Variants in OBI1 observed in about 807,000 individuals in gnomAD.
OBI1 encodes the protein ORC ubiquitin ligase 1.
A neutral mutation model predicts 62.4 loss-of-function variants in OBI1; 59 were observed. The observed-to-expected ratio is 0.95, with a 90% CI of 0.77 to 1.17. The LOEUF is 1.17. Among genes scored for constraint, OBI1 ranks in the 50% most tolerant of loss-of-function variants. OBI1 has a pLI of 0.00. For synonymous variants in OBI1, 302 were observed against 292.8 expected (o/e 1.03, Z -0.32); for missense variants, 875 against 830.9 (o/e 1.05, Z -0.65).
rs1370921274 is a variant in OBI1, at chr13:78,615,765, G to C, written c.1996C>G (p.Gln666Glu). The part of the protein sequence containing the change: ...LSSSHRLFED[Q>E]RFGSSLFKMS... ...TTAAACAAAGATGACCCAAATCTTT[G>C]ATCTTCAAATAGTCGATGTGAACTG... Residue 666 changes from glutamine to glutamate, a missense_variant, in exon 6 of 6, where the codon CAA (glutamine) becomes GAA (glutamate). Physicochemically the swap from Gln to Glu is conservative, Grantham distance 29. Transcript: ENST00000282003. The C allele has an allele frequency of 6.2e-7, 1 of 1,613,846 alleles. No individual in the cohort carries two copies. Among genetic ancestry groups the C allele is most frequent in the Non-Finnish European group, 8.5e-7 (1 of 1,179,954 alleles).
intron 4 of OBI1, 99 bp from the exon 5 acceptor site, chr13:78,635,297 T>G: frequency 1.4e-6 from 1 of 699,710 alleles, no homozygotes; most frequent in South Asian, 1.8e-5. Flanking sequence ...AGTGATAATA[T>G]CAGAAAACTG....
chr13:78,644,347 CT>C (rs1876319769), intron 2 of OBI1, among the ~76,000 whole-genome samples: 2 of 152,196 alleles, frequency 1.3e-5, no homozygotes, highest in Non-Finnish European at 2.9e-5. Context: ...TACCTTTTGT[CT>C]TATCTCAGTA....
chr13:78,638,405 G>A (rs1262072805), intron 4 of OBI1, among the ~76,000 whole-genome samples: 1 of 152,150 alleles, frequency 6.6e-6, no homozygotes, highest in Non-Finnish European at 1.5e-5. Flanking sequence ...GGTAGCAAAA[G>A]AAAAGATAAG....
At chr13:78,618,429 CA>C (rs1301003178) in intron 5 of OBI1, among the ~76,000 whole-genome samples, 1 of 151,466 alleles carries the variant, frequency 6.6e-6, no homozygotes, top group Non-Finnish European at 1.5e-5. Flanking sequence ...AAGCCAATAG[CA>C]ATTGCCCCTC....
chr13:78,617,071 C>T lies in OBI1; in HGVS notation c.690G>A (p.Glu230=), dbSNP rs764608451. 5 of 1,606,478 alleles carry T rather than the reference C, an allele frequency of 3.1e-6. No individual in the cohort carries two copies. Among genetic ancestry groups the T allele is most frequent in the African/African-American group, 1.3e-5 (1 of 74,484 alleles). The change falls in exon 6 of 6, where the codon GAG becomes GAA. Residue 230 remains glutamate, a synonymous_variant. Transcript: ENST00000282003. ...AALQSKVEQY[E]RETNRLKKAL... ...CTTTCTTGAGGCGATTGGTTTCACGCTCATACTGTTCTACTTTGGACTGAA... is the reference window on the plus strand; with the variant it reads ...CTTTCTTGAGGCGATTGGTTTCACGTTCATACTGTTCTACTTTGGACTGAA...
intron 5 of OBI1, among the ~76,000 whole-genome samples, chr13:78,634,845 C>G (rs1875971587): frequency 6.6e-6 from 1 of 152,018 alleles, no homozygotes; most frequent in African/African-American, 2.4e-5. Context: ...TATGTAAAAC[C>G]AAGTCAATGC....
intron 5 of OBI1, chr13:78,617,460 A>C: frequency 5.1e-6 from 1 of 197,344 alleles, no homozygotes; most frequent in Non-Finnish European, 1.0e-5. Context: ...ATCCCCTAAA[A>C]CAATGGCAAA....
At chr13:78,647,380 G>A (rs550045454) in intron 1 of OBI1, among the ~76,000 whole-genome samples, 1 of 152,348 alleles carries the variant, frequency 6.6e-6, no homozygotes, top group South Asian at 2.1e-4. Flanking sequence ...CCCTGTGGCG[G>A]GAGGCGAGAC....
At chr13:78,619,668 A>T (rs547409412) in intron 5 of OBI1, among the ~76,000 whole-genome samples, 1 of 152,300 alleles carries the variant, frequency 6.6e-6, no homozygotes, top group South Asian at 2.1e-4. Flanking sequence ...CTGATCAATT[A>T]ATCAATTCAT....
chr13:78,650,898 T>C (rs953106451), intron 1 of OBI1, among the ~76,000 whole-genome samples: 22 of 152,154 alleles, frequency 1.4e-4, no homozygotes, highest in Admixed American at 4.6e-4. Flanking sequence ...AGATCACTAC[T>C]TCTCCACTTG....
At chr13:78,638,588 C>G (rs1283009655) in intron 4 of OBI1, among the ~76,000 whole-genome samples, 1 of 152,156 alleles carries the variant, frequency 6.6e-6, no homozygotes, top group Non-Finnish European at 1.5e-5. Flanking sequence ...CAATCTTATA[C>G]AGAAGCACAA....
At chr13:78,642,052 G>A in intron 3 of OBI1, 70 bp downstream of exon 3, 2 of 753,246 alleles carry the variant, frequency 2.7e-6, no homozygotes, top group Admixed American at 2.0e-5. Flanking sequence ...AGAAGTCTGG[G>A]GACTGAGGTA....
At chr13:78,641,602 T>G (rs1188963428) in intron 3 of OBI1, among the ~76,000 whole-genome samples, 2 of 152,166 alleles carry the variant, frequency 1.3e-5, no homozygotes, top group Non-Finnish European at 1.5e-5. Context: ...TAGACAATAA[T>G]TAGGAAACAG....
Position 78,638,891 on chromosome 13 carries a change from T to C in OBI1, c.481A>G (p.Lys161Glu), listed in dbSNP as rs1394495326. The change falls in exon 4 of 6, where the codon AAG (lysine) becomes GAG (glutamate). Residue 161 changes from lysine to glutamate, a missense_variant. Transcript: ENST00000282003. ...TCATTAGCTGTTCTGAGTTTTTTCT[T>C]CCACTCTGCTACAGTTTCTGGGTTA... Reference protein sequence around the residue: ...KINPETVAEWKKKLRTANEIY... With the variant: ...KINPETVAEWEKKLRTANEIY... 6.2e-7 allele frequency: 1 copy of C among 1,613,908 alleles called. No homozygotes were observed. Among genetic ancestry groups the C allele is most frequent in the Admixed American group, 1.7e-5 (1 of 60,022 alleles).
intron 3 of OBI1, among the ~76,000 whole-genome samples, chr13:78,639,552 T>C (rs556563641): frequency 3.4e-4 from 51 of 150,166 alleles, no homozygotes; most frequent in South Asian, 6.4e-4. Flanking sequence ...CGTATGTTTA[T>C]TGCGGCATTA....
chr13:78,656,557 G>A (rs1876706703), intron 1 of OBI1, among the ~76,000 whole-genome samples: 1 of 151,360 alleles, frequency 6.6e-6, no homozygotes, highest in Non-Finnish European at 1.5e-5. Flanking sequence ...TCTCCAGCCC[G>A]GGCAACAAGA....
chr13:78,645,893 G>C (rs1876367179), intron 1 of OBI1, among the ~76,000 whole-genome samples: 1 of 152,112 alleles, frequency 6.6e-6, no homozygotes, highest in African/African-American at 2.4e-5. Flanking sequence ...CAGGTGATCT[G>C]CCCACCTCGG....
intron 1 of OBI1, among the ~76,000 whole-genome samples, chr13:78,658,372 A>G (rs892427300): frequency 6.6e-6 from 1 of 152,170 alleles, no homozygotes; most frequent in African/African-American, 2.4e-5. Context: ...CACTTTCCCT[A>G]CCTTGTTTCA....
chr13:78,644,861 C>T lies in OBI1; in HGVS notation c.208+1G>A. On this transcript the variant is annotated splice_donor_variant, in intron 2 of 5. Coordinates refer to ENST00000282003, the MANE Select transcript of OBI1 (RefSeq NM_024546.4). LOFTEE classifies it high-confidence loss of function. ...TATGCATATATAAAACAGGCCCTTA[C>T]CTATAATTTCTTTGCAAGGATTTTC... 6.2e-7 allele frequency: 1 copy of T among 1,613,652 alleles called. No homozygotes were observed. Among genetic ancestry groups the T allele is most frequent in the Non-Finnish European group, 8.5e-7 (1 of 1,179,628 alleles).
Sources: allele counts gnomAD v4.1 joint callset (sites outside exome capture counted in the v4.1 genomes callset), GRCh38; gene constraint gnomAD v4.1.1; transcripts MANE v1.5; gene names NCBI Gene and HGNC (gene_info 2026-07-23, HGNC 2026-07-21).